Variants in EPRS1 observed in about 807,000 individuals in gnomAD.
EPRS1 encodes the protein bifunctional glutamate/proline--tRNA ligase.
Under a neutral mutation model 188.3 loss-of-function variants are expected in EPRS1, and 107 were observed. The ratio of observed to expected loss-of-function variants is 0.57; its 90% CI spans 0.49 to 0.67. The LOEUF (loss-of-function observed/expected upper bound fraction) is 0.67. EPRS1 is among the 30% of genes least tolerant of loss of function. EPRS1 has a pLI of 0.00. For missense variants in EPRS1, 1,577 were observed against 1,802.2 expected, an observed-to-expected ratio of 0.88 and a Z score of 2.26; for synonymous variants, 596 against 593.1, an observed-to-expected ratio of 1.00 and a Z score of -0.07.
chr1:220,007,846 A>G (rs1661521746), intron 13 of EPRS1, among the ~76,000 whole-genome samples: 1 of 152,166 alleles, frequency 6.6e-6, no homozygotes, highest in African/African-American at 2.4e-5. Flanking sequence ...TTCGCTGGGC[A>G]TGGTGGCTTA....
chr1:219,984,604 G>A (rs1000005479), intron 20 of EPRS1, among the ~76,000 whole-genome samples: 2 of 152,016 alleles, frequency 1.3e-5, no homozygotes, highest in Admixed American at 1.3e-4. Flanking sequence ...TTATTTTTTG[G>A]TAGAGGCAGG....
chr1:220,005,609 G>A (rs1433608492), intron 15 of EPRS1, among the ~76,000 whole-genome samples: 2 of 152,118 alleles, frequency 1.3e-5, no homozygotes, highest in African/African-American at 4.8e-5. Flanking sequence ...TAGCATTCCA[G>A]AAGAAATAAT....
intron 6 of EPRS1, among the ~76,000 whole-genome samples, 192 bp from the exon 7 acceptor site, chr1:220,025,450 A>T (rs1558059205): frequency 6.6e-6 from 1 of 151,946 alleles, no homozygotes. Context: ...AGACTATACC[A>T]TATATAAAAC....
intron 12 of EPRS1, among the ~76,000 whole-genome samples, chr1:220,012,737 G>A: frequency 6.6e-6 from 1 of 152,254 alleles, no homozygotes; most frequent in Admixed American, 6.5e-5. Context: ...AGGACCAGAG[G>A]GCCTCCAGAT....
Position 219,996,047 on chromosome 1 carries a change from T to C in EPRS1, c.2541+936A>G, listed in dbSNP as rs190928071. Among the ~76,000 whole-genome samples the C allele has an allele frequency of 8.8e-4, 134 of 152,332 alleles. 1 individual carries two copies. The highest frequency in any genetic ancestry group is 3.1e-3 in the African/African-American group (127 of 41,588). Reference sequence around the variant, plus strand: ...TTGTTTTTCGTTGCAGTACTATTTATCTGATCATGTCTTAAACTATGCTGC... The same window carrying C: ...TTGTTTTTCGTTGCAGTACTATTTACCTGATCATGTCTTAAACTATGCTGC... On this transcript the variant is annotated intron_variant, in intron 18 of 31. Transcript: ENST00000366923.
chr1:220,033,755 C>T, intron 3 of EPRS1, 97 bp from the exon 4 acceptor site: 1 of 789,900 alleles, frequency 1.3e-6, no homozygotes. Flanking sequence ...AGCAACAGTA[C>T]ACTCTTACTA....
At chr1:220,003,563 A>G (rs1348472098) in intron 16 of EPRS1, among the ~76,000 whole-genome samples, 1 of 152,124 alleles carries the variant, frequency 6.6e-6, no homozygotes, top group East Asian at 1.9e-4. Flanking sequence ...ATAAATGTTG[A>G]GTTAATTTTT....
At chr1:220,040,146 G>T in intron 2 of EPRS1, 39 bp downstream of exon 2, 1 of 1,324,686 alleles carries the variant, frequency 7.5e-7, no homozygotes, top group Non-Finnish European at 1.1e-6. Flanking sequence ...AAAAGAAAAA[G>T]CCAATCAGTA....
rs1662314852 is a variant in EPRS1, at chr1:220,042,468, G to GAATGAAAC, written c.47-2207_47-2200dup. On this transcript the variant is annotated intron_variant, in intron 1 of 31. Coordinates refer to ENST00000366923, the MANE Select transcript of EPRS1 (RefSeq NM_004446.3). ...CACTGCAGTCCAGCCTGAGCAACAA[G>GAATGAAAC]AATGAAACCCCATCTCCCAAAAAAA... Among the ~76,000 whole-genome samples the GAATGAAAC allele has an allele frequency of 2.1e-5, 3 of 144,776 alleles. No individual in the cohort carries two copies. The Admixed American group carries it at 2.1e-4, about 10-fold the overall frequency. The allele number at this position is 144,776 out of a possible 152,430, so 95.0% of individuals were successfully genotyped here.
intron 21 of EPRS1, among the ~76,000 whole-genome samples, chr1:219,983,889 G>T (rs1305027134): frequency 1.2e-5 from 1 of 85,314 alleles, no homozygotes; most frequent in Non-Finnish European, 2.3e-5. Flanking sequence ...TGATACTCCC[G>T]TCTCAAAAAA....
rs898824971 is a variant in EPRS1, at chr1:219,980,833, G to A, written c.3478C>T (p.Pro1160Ser). 8 of 1,612,394 alleles carry A rather than the reference G, an allele frequency of 5.0e-6. No individual in the cohort carries two copies. Among genetic ancestry groups the A allele is most frequent in the Non-Finnish European group, 6.8e-6 (8 of 1,179,126 alleles). ...AGAAATTCACGAGTACGTAGGAAAG[G>A]CTGAGGATGCTTGAATTCCCAACGC... Reference protein sequence around the residue: ...VVRWEFKHPQPFLRTREFLWQ... With the variant: ...VVRWEFKHPQSFLRTREFLWQ... Residue 1160 changes from proline to serine, a missense_variant, in exon 25 of 32, where the codon CCT (proline) becomes TCT (serine). Coordinates refer to ENST00000366923, the MANE Select transcript of EPRS1 (RefSeq NM_004446.3).
intron 1 of EPRS1, among the ~76,000 whole-genome samples, chr1:220,042,237 C>A (rs532223247): frequency 6.7e-6 from 1 of 149,196 alleles, no homozygotes; most frequent in Non-Finnish European, 1.5e-5. Context: ...AATCCTAGTA[C>A]TTTGGGAGAC....
intron 29 of EPRS1, among the ~76,000 whole-genome samples, chr1:219,972,775 C>G (rs924532687): frequency 1.3e-5 from 2 of 152,194 alleles, no homozygotes; most frequent in African/African-American, 4.8e-5. Context: ...CATTCCCAAC[C>G]CCAGTCAGGA....
chr1:219,994,061 G>T (rs902647487), intron 18 of EPRS1, among the ~76,000 whole-genome samples: 2 of 152,108 alleles, frequency 1.3e-5, no homozygotes, highest in Non-Finnish European at 2.9e-5. Flanking sequence ...AGTACAGCAG[G>T]TCCTTGAATA....
chr1:219,993,019 G>C (rs1257968835), intron 18 of EPRS1, among the ~76,000 whole-genome samples: 1 of 152,184 alleles, frequency 6.6e-6, no homozygotes, highest in Non-Finnish European at 1.5e-5. Flanking sequence ...CGGACAGCTT[G>C]AGTATAGAAG....
At chr1:220,021,207 G>C (rs1661872590) in intron 9 of EPRS1, among the ~76,000 whole-genome samples, 1 of 151,612 alleles carries the variant, frequency 6.6e-6, no homozygotes, top group Non-Finnish European at 1.5e-5. Flanking sequence ...TGTTTGTCTA[G>C]AGACAGGGTT....
intron 18 of EPRS1, among the ~76,000 whole-genome samples, chr1:219,992,859 G>T (rs926888579): frequency 6.6e-6 from 1 of 152,042 alleles, no homozygotes; most frequent in Non-Finnish European, 1.5e-5. Context: ...CCCAGGAGGC[G>T]GAGGCGCCAA....
chr1:220,035,603 C>A lies in EPRS1; in HGVS notation c.132-590G>T, dbSNP rs1168845837. ...CAGTACTTTGGGAGGCCAAGACGGG[C>A]AGATCACTTGAGGTCAGGAGTTTGA... On this transcript the variant is annotated intron_variant, in intron 2 of 31. Transcript: ENST00000366923. Among the ~76,000 whole-genome samples the A allele has an allele frequency of 1.1e-3, 164 of 152,026 alleles. 1 individual carries two copies. The highest frequency in any genetic ancestry group is 7.4e-5 in the Non-Finnish European group (5 of 68,018).
intron 1 of EPRS1, among the ~76,000 whole-genome samples, chr1:220,043,042 T>G (rs775472226): frequency 6.6e-6 from 1 of 152,132 alleles, no homozygotes; most frequent in Non-Finnish European, 1.5e-5. Context: ...AGAATATATA[T>G]AATATGATTC....
Sources: allele counts gnomAD v4.1 joint callset (sites outside exome capture counted in the v4.1 genomes callset), GRCh38; gene constraint gnomAD v4.1.1; transcripts MANE v1.5; gene names NCBI Gene and HGNC (gene_info 2026-07-23, HGNC 2026-07-21).